JMJD1C: variants seen among roughly 807,000 people sequenced by gnomAD.
The protein encoded by JMJD1C is jumonji domain-containing protein 1C.
A neutral mutation model predicts 245.3 loss-of-function variants in JMJD1C; 31 were observed. The observed-to-expected ratio is 0.13, with a 90% CI of 0.09 to 0.17. The LOEUF (loss-of-function observed/expected upper bound fraction) is 0.17. JMJD1C is among the 10% of genes least tolerant of loss of function. JMJD1C has a pLI of 1.00. For missense variants in JMJD1C, 2,691 were observed against 3,000.2 expected (o/e 0.90, Z 2.41); for synonymous variants, 1,057 against 1,017.4 (o/e 1.04, Z -0.74).
intron 2 of JMJD1C, among the ~76,000 whole-genome samples, chr10:63,360,597 A>C (rs1945243099): frequency 6.6e-6 from 1 of 152,128 alleles, no homozygotes; most frequent in South Asian, 2.1e-4. Flanking sequence ...TCCAACACAA[A>C]CATTTTTGTT....
chr10:63,306,388 C>G (rs1431936515), intron 2 of JMJD1C, among the ~76,000 whole-genome samples: 1 of 152,184 alleles, frequency 6.6e-6, no homozygotes, highest in Non-Finnish European at 1.5e-5. Flanking sequence ...CCGTGCCCAG[C>G]CAACAAAGTC....
chr10:63,324,039 CTTT>C (rs71463513), intron 2 of JMJD1C, among the ~76,000 whole-genome samples: 6 of 136,126 alleles, frequency 4.4e-5, no homozygotes, highest in East Asian at 2.1e-4. Context: ...CTTCGTCTGC[CTTT>C]TTTTTTTTTT....
At chr10:63,330,561 T>G (rs1225021425) in intron 2 of JMJD1C, among the ~76,000 whole-genome samples, 3 of 152,102 alleles carry the variant, frequency 2.0e-5, no homozygotes, top group Non-Finnish European at 2.9e-5. Context: ...TAAGAATATA[T>G]CTACACTTTC....
chr10:63,378,799 T>A (rs1371248500), intron 2 of JMJD1C, among the ~76,000 whole-genome samples: 1 of 152,148 alleles, frequency 6.6e-6, no homozygotes, highest in African/African-American at 2.4e-5. Context: ...AATCATGCTT[T>A]TGGGTTAAGG....
chr10:63,453,403 G>A (rs888513796), intron 1 of JMJD1C, among the ~76,000 whole-genome samples: 17 of 152,134 alleles, frequency 1.1e-4, no homozygotes, highest in Admixed American at 3.9e-4. Flanking sequence ...TACCTATTAA[G>A]ATTCTATAAA....
At chr10:63,327,699 G>A (rs181567997) in intron 2 of JMJD1C, among the ~76,000 whole-genome samples, 2,016 of 150,844 alleles carry the variant, frequency 0.013, 30 homozygotes, top group African/African-American at 0.034. Context: ...ATGGAGTTTC[G>A]CTCTTGTTCC....
intron 3 of JMJD1C, chr10:63,222,874 T>A: frequency 1.4e-6 from 2 of 1,468,566 alleles, no homozygotes; most frequent in East Asian, 4.5e-5. Flanking sequence ...ATATAAAAAC[T>A]GCATTTCCTA....
intron 1 of JMJD1C, among the ~76,000 whole-genome samples, chr10:63,476,425 T>C (rs527647435): frequency 2.0e-5 from 3 of 152,044 alleles, no homozygotes; most frequent in Non-Finnish European, 4.4e-5. Flanking sequence ...AAATGATGAC[T>C]GGCATTCAAT....
At chr10:63,263,427 T>C (rs1855048158) in intron 3 of JMJD1C, among the ~76,000 whole-genome samples, 1 of 152,220 alleles carries the variant, frequency 6.6e-6, no homozygotes, top group Non-Finnish European at 1.5e-5. Flanking sequence ...ACACAAGCTC[T>C]TGTTCTCTCC....
chr10:63,392,091 C>T (rs1484053423), intron 1 of JMJD1C, among the ~76,000 whole-genome samples: 1 of 152,204 alleles, frequency 6.6e-6, no homozygotes, highest in Non-Finnish European at 1.5e-5. Flanking sequence ...AGATTTTTCA[C>T]TAAGGTTCCA....
chr10:63,216,867 G>A (rs374354978), intron 5 of JMJD1C, among the ~76,000 whole-genome samples: 5 of 152,048 alleles, frequency 3.3e-5, no homozygotes, highest in Non-Finnish European at 5.9e-5. Context: ...AAATGATTTC[G>A]GAAATATTTT....
At chr10:63,238,006 TAAAAAAAAAAAAAAA>T (rs35736445) in intron 3 of JMJD1C, among the ~76,000 whole-genome samples, 1 of 27,602 alleles carries the variant, frequency 3.6e-5, no homozygotes, top group East Asian at 1.3e-3. Flanking sequence ...CCGTCTCTAC[TAAAAAAAAAAAAAAA>T]AAAAAAAAAA....
intron 3 of JMJD1C, among the ~76,000 whole-genome samples, chr10:63,221,982 A>G (rs1000842046): frequency 1.3e-5 from 2 of 152,196 alleles, no homozygotes; most frequent in Non-Finnish European, 2.9e-5. Context: ...TCAACCTCCC[A>G]AAGTGTTGGT....
chr10:63,356,366 A>G (rs1463616828), intron 2 of JMJD1C, among the ~76,000 whole-genome samples: 3 of 152,248 alleles, frequency 2.0e-5, no homozygotes, highest in African/African-American at 7.2e-5. Context: ...TTCATCATCA[A>G]AGAAAGGACC....
At chr10:63,291,905 C>T (rs1378633195) in intron 2 of JMJD1C, among the ~76,000 whole-genome samples, 1 of 151,992 alleles carries the variant, frequency 6.6e-6, no homozygotes, top group African/African-American at 2.4e-5. Context: ...GGAAAATAAA[C>T]TATGTATAGA....
chr10:63,421,052 A>G (rs1190799865), intron 1 of JMJD1C, among the ~76,000 whole-genome samples: 2 of 152,170 alleles, frequency 1.3e-5, no homozygotes, highest in Admixed American at 1.3e-4. Context: ...ATGCAAACTC[A>G]GGCCAGGTGT....
intron 3 of JMJD1C, among the ~76,000 whole-genome samples, chr10:63,250,939 C>T (rs1589286056): frequency 2.0e-5 from 3 of 152,090 alleles, no homozygotes; most frequent in East Asian, 3.9e-4. Flanking sequence ...GACAGGGTCT[C>T]GTTATGTTGC....
At chr10:63,359,063 G>A (rs1018284445) in intron 2 of JMJD1C, 2 of 153,256 alleles carry the variant, frequency 1.3e-5, no homozygotes, top group Non-Finnish European at 2.9e-5. Context: ...ACTAATGAAA[G>A]GAACACCTGT....
chr10:63,217,920 A>C (rs981978157), intron 4 of JMJD1C, among the ~76,000 whole-genome samples: 4 of 152,102 alleles, frequency 2.6e-5, no homozygotes, highest in Admixed American at 2.6e-4. Flanking sequence ...TCTTGTATAG[A>C]TATCCATTAG....
Sources: gnomAD v4.1 joint callset for allele counts (sites outside exome capture counted in the v4.1 genomes callset) on GRCh38, gnomAD v4.1.1 for gene constraint, MANE v1.5 for transcripts, NCBI Gene and HGNC (gene_info 2026-07-23, HGNC 2026-07-21) for gene names.